Variants in RPL13A observed in about 807,000 individuals in gnomAD.
The protein encoded by RPL13A is ribosomal protein L13a.
In RPL13A, 4 loss-of-function variants were observed where a neutral mutation model predicts 30.8. The observed-to-expected ratio is 0.13, with a 90% CI of 0.06 to 0.30. RPL13A has a LOEUF of 0.30. RPL13A is among the 10% of genes least tolerant of loss of function. The pLI is 1.00. For missense variants in RPL13A, 196 were observed against 272.6 expected (o/e 0.72, Z 1.98); for synonymous variants, 108 against 104.2 (o/e 1.04, Z -0.22).
intron 6 of RPL13A, 114 bp downstream of exon 6, chr19:49,491,213 T>A (rs59192944): frequency 0.12 from 169,295 of 1,354,552 alleles, 20,034 homozygotes; most frequent in African/African-American, 0.6. Context: ...TCTGCGGATG[T>A]CCCTGTGGGA....
In RPL13A at chr19:49,491,417, C is replaced by CG; in HGVS notation, c.403-8_403-7insG. On this transcript the variant is annotated splice_polypyrimidine_tract_variant and splice_region_variant and intron_variant, in intron 6 of 7. Coordinates refer to ENST00000391857, the MANE Select transcript of RPL13A (RefSeq NM_012423.4). ...TCATTTGTTCACCCCCCCCCCCCCCCCCCGCAGTTTGCCTATCTGGGGCGC... is the reference window on the plus strand; with the variant it reads ...TCATTTGTTCACCCCCCCCCCCCCCCGCCCGCAGTTTGCCTATCTGGGGCGC... The CG allele has an allele frequency of 8.9e-7, 1 of 1,129,892 alleles. No individual in the cohort carries two copies. Among genetic ancestry groups the CG allele is most frequent in the Non-Finnish European group, 1.2e-6 (1 of 823,590 alleles). 70.0% of individuals were successfully genotyped at this position (1,129,892 alleles called of 1,614,324 possible).
rs776977881 is a variant in RPL13A at position 49,491,180 on chromosome 19, A to G, written c.402+81A>G. 14 of 1,488,500 alleles carry G rather than the reference A, an allele frequency of 9.4e-6. No individual in the cohort carries two copies. In the Admixed American group the frequency reaches 2.3e-4, roughly 25 times the overall value. The allele number at this position is 1,488,500 out of a possible 1,614,324, so 92.2% of individuals were successfully genotyped here. A position where few individuals can be genotyped will look rare whatever the true frequency, so the allele number is the denominator to read the frequency against. On this transcript the variant is annotated intron_variant, in intron 6 of 7. Transcript: ENST00000391857. The stretch of plus-strand genomic sequence containing the variant: ...GACCTGGGGACCTGGAGCCTGGCAG[A>G]TGATGTCCTTATCTCACGATGGTCT...
chr19:49,489,682 T>C (rs1191373097), intron 1 of RPL13A, among the ~76,000 whole-genome samples, 168 bp from the exon 2 acceptor site: 2 of 152,240 alleles, frequency 1.3e-5, no homozygotes, highest in Admixed American at 1.3e-4. Flanking sequence ...GCTTTCTCAG[T>C]CCCTGTTCCT....
intron 6 of RPL13A, 155 bp downstream of exon 6, chr19:49,491,254 C>A: frequency 1.7e-6 from 2 of 1,180,566 alleles, no homozygotes; most frequent in Non-Finnish European, 1.3e-6. Flanking sequence ...TTAGCTGATG[C>A]CAGGAGGCTT....
rs1024676686 is a variant in RPL13A, at chr19:49,490,837, T to C, written c.315T>C (p.Phe105=). The C allele has an allele frequency of 6.2e-7, 1 of 1,613,986 alleles. No individual in the cohort carries two copies. Among genetic ancestry groups the C allele is most frequent in the African/African-American group, 1.3e-5 (1 of 74,932 alleles). ...CCGCTCTGGACCGTCTCAAGGTGTT[T>C]GACGGCATCCCACCGCCCTACGACA... ...GQAALDRLKV[F]DGIPPPYDKK... The change falls in exon 5 of 8, where the codon TTT becomes TTC. Residue 105 remains phenylalanine, a synonymous_variant. Coordinates refer to ENST00000391857, the MANE Select transcript of RPL13A (RefSeq NM_012423.4).
intron 1 of RPL13A, 22 bp downstream of exon 1, chr19:49,487,666 G>C (rs777790689): frequency 2.6e-6 from 4 of 1,519,752 alleles, no homozygotes; most frequent in Non-Finnish European, 3.5e-6. Context: ...GCGCGGGCCG[G>C]GGCGGCAAGG....
chr19:49,490,695 GCCACCCCATGGGC>G (rs1428632965), intron 4 of RPL13A, 71 bp from the exon 5 acceptor site: 1 of 1,575,822 alleles, frequency 6.3e-7, no homozygotes, highest in African/African-American at 1.3e-5. Flanking sequence ...ACCATCTGAG[GCCACCCCATGGGC>G]CCACCTCAGT....
Position 49,489,935 on chromosome 19 carries a change from T to C in RPL13A, c.88+13T>C, listed in dbSNP as rs1568686941. On this transcript the variant is annotated intron_variant, in intron 2 of 7. Coordinates refer to ENST00000391857, the MANE Select transcript of RPL13A (RefSeq NM_012423.4). ...CAGGTACTGCTGGGTAAGTCGCTGC[T>C]CGTGGCCCCTCTGTCATGGGCCCCC... The C allele has an allele frequency of 6.2e-7, 1 of 1,608,288 alleles. No individual in the cohort carries two copies. The highest frequency in any genetic ancestry group is 1.1e-5 in the South Asian group (1 of 90,994).
At position 49,489,836 on chromosome 19, in the gene RPL13A, C is replaced by G. The variant is rs760211274; in HGVS notation, c.16-14C>G. ...GTCCTTGTCTCTGAGTCCTTTTGCC[C>G]TTGTCTCCCACAGGTCCTGGTGCTT... On this transcript the variant is annotated splice_polypyrimidine_tract_variant and intron_variant, in intron 1 of 7. Transcript: ENST00000391857. 6.2e-7 allele frequency: 1 copy of G among 1,602,898 alleles called. No homozygotes were observed. Among genetic ancestry groups the G allele is most frequent in the South Asian group, 1.1e-5 (1 of 90,928 alleles).
chr19:49,491,400 TCACCCCCCCCCC>T lies in RPL13A; in HGVS notation c.403-23_403-12del. 1.0e-6 allele frequency: 1 copy of T among 976,862 alleles called. No homozygotes were observed. The highest frequency in any genetic ancestry group is 1.4e-6 in the Non-Finnish European group (1 of 714,556). 60.5% of individuals were successfully genotyped at this position (976,862 alleles called of 1,614,324 possible). On this transcript the variant is annotated splice_polypyrimidine_tract_variant and intron_variant, in intron 6 of 7. Transcript: ENST00000391857. ...TAGATATCCTTACAACTTCATTTGT[TCACCCCCCCCCC>T]CCCCCCCCGCAGTTTGCCTATCTGG...
intron 1 of RPL13A, among the ~76,000 whole-genome samples, chr19:49,489,132 T>G (rs762111185): frequency 3.3e-5 from 5 of 152,198 alleles, no homozygotes; most frequent in African/African-American, 4.8e-5. Context: ...CACCTGAAAT[T>G]CGGTTTTCTT....
rs745642517 is a variant in RPL13A, at chr19:49,491,406, C to CCT, written c.403-18_403-17insTC. 1.3e-3 allele frequency: 303 copies of CCT among 237,240 alleles called. No individual in the cohort carries two copies. The highest frequency in any genetic ancestry group is 0.012 in the African/African-American group (234 of 20,174). 14.7% of individuals were successfully genotyped at this position (237,240 alleles called of 1,614,324 possible). On this transcript the variant is annotated intron_variant, in intron 6 of 7. Transcript: ENST00000391857. ...TCCTTACAACTTCATTTGTTCACCCCCCCCCCCCCCCCCCGCAGTTTGCCT... is the reference window on the plus strand; with the variant it reads ...TCCTTACAACTTCATTTGTTCACCCCCTCCCCCCCCCCCCCCGCAGTTTGCCT...
At position 49,492,094 on chromosome 19, in the gene RPL13A, T is replaced by C; in HGVS notation, c.*279T>C. The C allele has an allele frequency of 2.5e-6, 1 of 393,418 alleles. No homozygotes were observed. The highest frequency in any genetic ancestry group is 5.2e-5 in the East Asian group (1 of 19,148). 24.4% of individuals were successfully genotyped at this position (393,418 alleles called of 1,614,324 possible). A position where few individuals can be genotyped will look rare whatever the true frequency, so the allele number is the denominator to read the frequency against. On this transcript the variant is annotated 3_prime_UTR_variant, in exon 8 of 8. Transcript: ENST00000391857. The stretch of plus-strand genomic sequence containing the variant: ...GAAGACTGATTGGAGGGCCCTATCT[T>C]GTGAGTGGGGCATCTGTTGGACTTT...
chr19:49,490,652 G>C, intron 4 of RPL13A, 76 bp downstream of exon 4: 1 of 1,581,326 alleles, frequency 6.3e-7, no homozygotes, highest in South Asian at 1.1e-5. Flanking sequence ...TCACATTCGA[G>C]TTTCCCGACC....
At chr19:49,490,718 T>C (rs776475535) in intron 4 of RPL13A, 61 bp from the exon 5 acceptor site, 22 of 1,587,508 alleles carry the variant, frequency 1.4e-5, no homozygotes, top group Non-Finnish European at 1.9e-5. Context: ...CCCACCTCAG[T>C]GGGGTGGGTG....
chr19:49,492,296 G>A lies in RPL13A; in HGVS notation c.*481G>A, dbSNP rs564066505. 7.9e-4 allele frequency: 124 copies of A among 156,134 alleles called. 1 individual carries two copies. The highest frequency in any genetic ancestry group is 2.7e-3 in the African/African-American group (111 of 41,594). The allele number at this position is 156,134 out of a possible 1,614,324, so 9.7% of individuals were successfully genotyped here. On this transcript the variant is annotated 3_prime_UTR_variant, in exon 8 of 8. Coordinates refer to ENST00000391857, the MANE Select transcript of RPL13A (RefSeq NM_012423.4). Reference sequence around the variant, plus strand: ...TGTATTTTGTAATCAGAAATAAATTGCTTTTAAAGAAATCTGGCGTCTTTG... The same window carrying A: ...TGTATTTTGTAATCAGAAATAAATTACTTTTAAAGAAATCTGGCGTCTTTG...
At chr19:49,488,621 T>G (rs1478492350) in intron 1 of RPL13A, among the ~76,000 whole-genome samples, 1 of 152,264 alleles carries the variant, frequency 6.6e-6, no homozygotes, top group East Asian at 1.9e-4. Context: ...GTCTGGATTT[T>G]AGAGTCTTTG....
chr19:49,490,846 C>T lies in RPL13A; in HGVS notation c.324C>T (p.Ile108=), dbSNP rs142574485. 5.0e-4 allele frequency: 808 copies of T among 1,614,118 alleles called. 3 individuals carry two copies. The highest frequency in any genetic ancestry group is 4.4e-3 in the South Asian group (399 of 91,090). ...ALDRLKVFDG[I]PPPYDKKKRM... ...ACCGTCTCAAGGTGTTTGACGGCAT[C>T]CCACCGCCCTACGACAAGGTGAGCT... The change falls in exon 5 of 8, where the codon ATC becomes ATT. Residue 108 remains isoleucine (I), a synonymous_variant. Transcript: ENST00000391857.
intron 3 of RPL13A, 62 bp downstream of exon 3, chr19:49,490,359 A>T: frequency 1.3e-6 from 2 of 1,596,408 alleles, no homozygotes; most frequent in Non-Finnish European, 1.7e-6. Flanking sequence ...GAGGCTCTGA[A>T]AGCAATTGCA....
Sources: gnomAD v4.1 joint callset for allele counts (sites outside exome capture counted in the v4.1 genomes callset) on GRCh38, gnomAD v4.1.1 for gene constraint, MANE v1.5 for transcripts, NCBI Gene and HGNC (gene_info 2026-07-23, HGNC 2026-07-21) for gene names.